Variants in DLG2 observed in about 807,000 individuals in gnomAD.
DLG2 encodes discs large MAGUK scaffold protein 2, also known as disks large homolog 2.
Under a neutral mutation model 132.5 loss-of-function variants are expected in DLG2, and 45 were observed. That is an observed-to-expected ratio of 0.34 (90% CI 0.27 to 0.44). The LOEUF is 0.44. Ranked by LOEUF, DLG2 falls within the 20% of genes least tolerant of loss-of-function variation. DLG2 has a pLI of 1.00. For missense variants in DLG2, 1,045 were observed against 1,196.9 expected (o/e 0.87, Z 1.87); for synonymous variants, 424 against 419.6 (o/e 1.01, Z -0.13).
At chr11:85,231,852 A>G (rs182399505) in intron 4 of DLG2, among the ~76,000 whole-genome samples, 16 of 151,998 alleles carry the variant, frequency 1.1e-4, no homozygotes, top group African/African-American at 7.2e-5. Flanking sequence ...AAAAATTCCA[A>G]CGTTACCCAG....
At chr11:83,608,856 C>T (rs1345860848) in intron 19 of DLG2, among the ~76,000 whole-genome samples, 1 of 152,032 alleles carries the variant, frequency 6.6e-6, no homozygotes, top group Non-Finnish European at 1.5e-5. Context: ...GAATGAACTG[C>T]TTTATTTCAT....
At chr11:83,552,534 T>C (rs539599159) in intron 19 of DLG2, among the ~76,000 whole-genome samples, 3 of 152,248 alleles carry the variant, frequency 2.0e-5, no homozygotes, top group East Asian at 1.9e-4. Context: ...AGATGATTCA[T>C]CCAGATTTAC....
chr11:84,916,062 C>A (rs1029287426), intron 6 of DLG2, among the ~76,000 whole-genome samples: 1 of 151,914 alleles, frequency 6.6e-6, no homozygotes, highest in South Asian at 2.1e-4. Context: ...GATTAAGAAG[C>A]AGGCCGGGCG....
chr11:85,094,573 C>A (rs923552037), intron 6 of DLG2, among the ~76,000 whole-genome samples: 4 of 152,198 alleles, frequency 2.6e-5, no homozygotes, highest in Non-Finnish European at 5.9e-5. Flanking sequence ...TGGCTTCTTT[C>A]CTTAAACCTC....
chr11:85,102,409 A>G (rs1370584172), intron 6 of DLG2, among the ~76,000 whole-genome samples: 2 of 152,010 alleles, frequency 1.3e-5, no homozygotes, highest in African/African-American at 4.8e-5. Flanking sequence ...TAATGGTGCT[A>G]TGTCATAGAA....
intron 6 of DLG2, among the ~76,000 whole-genome samples, chr11:84,768,668 A>T (rs2068784667): frequency 6.6e-6 from 1 of 152,168 alleles, no homozygotes; most frequent in African/African-American, 2.4e-5. Flanking sequence ...GATAAAAAGT[A>T]GGCATATCTA....
intron 6 of DLG2, among the ~76,000 whole-genome samples, chr11:85,105,117 C>A (rs981167319): frequency 6.6e-6 from 1 of 151,900 alleles, no homozygotes; most frequent in African/African-American, 2.4e-5. Context: ...GGGCTTGCAT[C>A]CTCCATTTCT....
chr11:84,674,287 G>A (rs1392349898), intron 6 of DLG2, among the ~76,000 whole-genome samples: 3 of 152,102 alleles, frequency 2.0e-5, no homozygotes, highest in Admixed American at 2.0e-4. Context: ...CAGTCTACTT[G>A]ATTAAAAATC....
chr11:84,321,379 G>A (rs2098403759), intron 7 of DLG2, among the ~76,000 whole-genome samples: 1 of 152,070 alleles, frequency 6.6e-6, no homozygotes. Flanking sequence ...GGTCCTTTAT[G>A]CTTGATACCT....
chr11:85,117,051 T>C (rs1031376115), intron 5 of DLG2, among the ~76,000 whole-genome samples: 1 of 151,984 alleles, frequency 6.6e-6, no homozygotes, highest in Non-Finnish European at 1.5e-5. Context: ...GGCAAATTGG[T>C]TCTTAAGTGA....
chr11:83,934,302 T>C (rs1489509584), intron 14 of DLG2, among the ~76,000 whole-genome samples: 2 of 152,238 alleles, frequency 1.3e-5, no homozygotes, highest in African/African-American at 2.4e-5. Flanking sequence ...TGGGCCTCTA[T>C]GTAATTACAT....
At chr11:83,764,540 C>T (rs2094056820) in intron 18 of DLG2, among the ~76,000 whole-genome samples, 1 of 152,096 alleles carries the variant, frequency 6.6e-6, no homozygotes, top group South Asian at 2.1e-4. Flanking sequence ...TATCTTTCTG[C>T]CTGTCAACAC....
At chr11:84,927,397 A>G (rs925795035) in intron 6 of DLG2, among the ~76,000 whole-genome samples, 2 of 152,136 alleles carry the variant, frequency 1.3e-5, no homozygotes, top group Non-Finnish European at 2.9e-5. Context: ...ATTGTACTAC[A>G]GGCCAATTAA....
intron 6 of DLG2, among the ~76,000 whole-genome samples, chr11:84,883,116 A>G (rs1381093115): frequency 6.6e-6 from 1 of 152,184 alleles, no homozygotes; most frequent in Non-Finnish European, 1.5e-5. Flanking sequence ...ACATCATGGA[A>G]TACTATGCAG....
At chr11:85,081,549 A>C (rs1223551149) in intron 6 of DLG2, among the ~76,000 whole-genome samples, 1 of 151,992 alleles carries the variant, frequency 6.6e-6, no homozygotes, top group Admixed American at 6.6e-5. Flanking sequence ...TAAAAATATT[A>C]CTCTAATTTT....
At chr11:85,449,305 C>T (rs769499011) in intron 3 of DLG2, among the ~76,000 whole-genome samples, 4 of 152,018 alleles carry the variant, frequency 2.6e-5, no homozygotes, top group Non-Finnish European at 5.9e-5. Context: ...GTGATATCAG[C>T]TCTTGTCATT....
intron 6 of DLG2, among the ~76,000 whole-genome samples, chr11:84,788,835 T>G (rs959301280): frequency 6.6e-6 from 1 of 152,146 alleles, no homozygotes; most frequent in African/African-American, 2.4e-5. Context: ...GTATCAAAGT[T>G]AGCAGATTTG....
At chr11:84,475,953 C>T (rs1478364693) in intron 7 of DLG2, among the ~76,000 whole-genome samples, 2 of 152,020 alleles carry the variant, frequency 1.3e-5, no homozygotes, top group Admixed American at 6.6e-5. Flanking sequence ...TGTTTAAGTC[C>T]GATTGTATAC....
chr11:84,420,650 C>CTTTTTTTTTT (rs768420271), intron 7 of DLG2, among the ~76,000 whole-genome samples: 669 of 42,232 alleles, frequency 0.016, 296 homozygotes, highest in East Asian at 0.041. Flanking sequence ...TGCTTGTTTT[C>CTTTTTTTTTT]TTTTTTTTTT....
Sources: allele counts gnomAD v4.1 joint callset (sites outside exome capture counted in the v4.1 genomes callset), GRCh38; gene constraint gnomAD v4.1.1; transcripts MANE v1.5; gene names NCBI Gene and HGNC (gene_info 2026-07-23, HGNC 2026-07-21).